Variants in NEK7 observed in about 807,000 individuals in gnomAD.
NEK7 encodes NIMA related kinase 7, also known as serine/threonine-protein kinase Nek7.
In NEK7, 18 loss-of-function variants were observed where a neutral mutation model predicts 44.6. The ratio of observed to expected loss-of-function variants is 0.40; its 90% CI spans 0.28 to 0.60. The LOEUF (loss-of-function observed/expected upper bound fraction) is 0.60, where lower values mean the gene tolerates loss of function less well. Ranked by LOEUF, NEK7 falls within the 20% of genes least tolerant of loss-of-function variation. NEK7 has a pLI of 0.38. For missense variants in NEK7, 256 were observed against 366.5 expected (o/e 0.70, Z 2.46); for synonymous variants, 130 against 121.1 (o/e 1.07, Z -0.48).
At chr1:198,192,715 T>A (rs2102770278) in intron 1 of NEK7, among the ~76,000 whole-genome samples, 1 of 152,262 alleles carries the variant, frequency 6.6e-6, no homozygotes, top group Admixed American at 6.5e-5. Flanking sequence ...GAATGACTCC[T>A]GGGTAAATAA....
Position 198,276,223 on chromosome 1 carries a change from T to A in NEK7, c.373-1738T>A, listed in dbSNP as rs772753752. Among the ~76,000 whole-genome samples the A allele has an allele frequency of 3.2e-4, 49 of 151,722 alleles. 1 individual carries two copies. Among genetic ancestry groups the A allele is most frequent in the Non-Finnish European group, 1.0e-4 (7 of 67,700 alleles). ...TCTTTTAGATTTGATTTCTTTTTTA[T>A]AATGGTATTTAAAAAGTAAACTGCC... On this transcript the variant is annotated intron_variant, in intron 5 of 9. Coordinates refer to ENST00000367385, the MANE Select transcript of NEK7 (RefSeq NM_133494.3).
chr1:198,297,082 A>C (rs751015886), intron 8 of NEK7, 45 bp from the exon 9 acceptor site: 2 of 1,234,634 alleles, frequency 1.6e-6, no homozygotes, highest in Admixed American at 1.8e-5. Context: ...ATCACCTTTT[A>C]AGTTACCATC....
intron 5 of NEK7, among the ~76,000 whole-genome samples, chr1:198,274,992 GGT>G (rs1267654376): frequency 6.6e-6 from 1 of 151,528 alleles, no homozygotes; most frequent in Non-Finnish European, 1.5e-5. Flanking sequence ...GTGAAATGAT[GGT>G]AATCTTCTTA....
chr1:198,203,312 T>C (rs1169810885), intron 1 of NEK7, among the ~76,000 whole-genome samples: 3 of 152,200 alleles, frequency 2.0e-5, no homozygotes, highest in Non-Finnish European at 1.5e-5. Context: ...GAAAAATCTT[T>C]TGTATAATGA....
chr1:198,177,760 T>C (rs1664646871), intron 1 of NEK7, among the ~76,000 whole-genome samples: 2 of 152,010 alleles, frequency 1.3e-5, no homozygotes, highest in African/African-American at 4.8e-5. Context: ...TCGGGTTGTG[T>C]GCCAGAAGAA....
At chr1:198,253,273 G>C (rs1399694125) in intron 3 of NEK7, 93 bp downstream of exon 3, 2 of 785,132 alleles carry the variant, frequency 2.5e-6, no homozygotes, top group African/African-American at 3.6e-5. Flanking sequence ...GGTACTGATA[G>C]CCTTAAGTTG....
At chr1:198,204,568 A>C (rs2102800265) in intron 1 of NEK7, among the ~76,000 whole-genome samples, 1 of 152,056 alleles carries the variant, frequency 6.6e-6, no homozygotes, top group East Asian at 1.9e-4. Flanking sequence ...AAATACAAAA[A>C]ATTAGCCGGG....
At chr1:198,288,093 C>A (rs925129976) in intron 7 of NEK7, among the ~76,000 whole-genome samples, 3 of 152,212 alleles carry the variant, frequency 2.0e-5, no homozygotes, top group Admixed American at 6.5e-5. Context: ...CACCTGTGGT[C>A]ACATACTTGT....
At chr1:198,201,096 T>G (rs564555914) in intron 1 of NEK7, among the ~76,000 whole-genome samples, 1 of 152,246 alleles carries the variant, frequency 6.6e-6, no homozygotes, top group East Asian at 1.9e-4. Context: ...TATATTTTCA[T>G]TGTATATAAT....
At chr1:198,166,707 A>G (rs1664279405) in intron 1 of NEK7, among the ~76,000 whole-genome samples, 1 of 152,222 alleles carries the variant, frequency 6.6e-6, no homozygotes, top group African/African-American at 2.4e-5. Context: ...GACATGATTC[A>G]TGGTGCCCCA....
rs367759377 is a variant in NEK7 at position 198,266,817 on chromosome 1, T to G, written c.372+2582T>G. Among the ~76,000 whole-genome samples the G allele has an allele frequency of 2.0e-5, 3 of 152,130 alleles. No homozygotes were observed. The East Asian group carries it at 5.8e-4, about 29-fold the overall frequency. On this transcript the variant is annotated intron_variant, in intron 5 of 9. Coordinates refer to ENST00000367385, the MANE Select transcript of NEK7 (RefSeq NM_133494.3). ...GCCTGTATGCATGTATGATATCTGA[T>G]AGGTATTCACATTTTCTTTATTCCA...
chr1:198,303,385 T>G (rs959848253), intron 9 of NEK7, among the ~76,000 whole-genome samples: 1 of 152,062 alleles, frequency 6.6e-6, no homozygotes, highest in African/African-American at 2.4e-5. Context: ...TTTGTTTATT[T>G]TAAATTTAGA....
chr1:198,283,416 C>T (rs866724986), intron 7 of NEK7, among the ~76,000 whole-genome samples: 2 of 152,152 alleles, frequency 1.3e-5, no homozygotes, highest in Non-Finnish European at 1.5e-5. Context: ...CTCATTAGCC[C>T]ATAGAGCAGA....
intron 1 of NEK7, among the ~76,000 whole-genome samples, chr1:198,192,289 T>C (rs936472183): frequency 2.6e-5 from 4 of 151,902 alleles, no homozygotes; most frequent in Non-Finnish European, 5.9e-5. Flanking sequence ...CCCTTTTTTT[T>C]TTAATTGATC....
At position 198,212,793 on chromosome 1, in the gene NEK7, C is replaced by G. The variant is rs1665813645; in HGVS notation, c.-28-19760C>G. Reference sequence around the variant, plus strand: ...GCTGATCCTCTTTTGCAAGTGCCACCTCCCGGCTGGAGGCCAACCAGCACA... The same window carrying G: ...GCTGATCCTCTTTTGCAAGTGCCACGTCCCGGCTGGAGGCCAACCAGCACA... On this transcript the variant is annotated intron_variant, in intron 1 of 9. Transcript: ENST00000367385. 2.0e-5 allele frequency among the ~76,000 whole-genome samples: 3 copies of G among 152,246 alleles called. 1 individual carries two copies. The South Asian group carries it at 6.2e-4, about 31-fold the overall frequency.
chr1:198,212,070 T>A (rs998777615), intron 1 of NEK7, among the ~76,000 whole-genome samples: 1 of 152,122 alleles, frequency 6.6e-6, no homozygotes, highest in Non-Finnish European at 1.5e-5. Context: ...ATTCCCAGAC[T>A]CCAGTGGGAT....
chr1:198,211,478 G>C (rs903285969), intron 1 of NEK7, among the ~76,000 whole-genome samples: 2 of 152,252 alleles, frequency 1.3e-5, no homozygotes, highest in African/African-American at 4.8e-5. Flanking sequence ...ATTCTGATTT[G>C]TGATGTGTGT....
At chr1:198,262,307 CTTTAATT>C (rs1558084354) in intron 3 of NEK7, among the ~76,000 whole-genome samples, 1 of 151,874 alleles carries the variant, frequency 6.6e-6, no homozygotes, top group African/African-American at 2.4e-5. Context: ...ATAATCACAA[CTTTAATT>C]TTGTTCATTG....
intron 2 of NEK7, among the ~76,000 whole-genome samples, chr1:198,239,392 A>T (rs1326627544): frequency 2.0e-5 from 3 of 152,106 alleles, no homozygotes; most frequent in African/African-American, 7.2e-5. Flanking sequence ...CAAGGTGGTA[A>T]TGTGATGGAT....
Sources: allele counts gnomAD v4.1 joint callset (sites outside exome capture counted in the v4.1 genomes callset), GRCh38; gene constraint gnomAD v4.1.1; transcripts MANE v1.5; gene names NCBI Gene and HGNC (gene_info 2026-07-23, HGNC 2026-07-21).